The following PDZD8 variants were observed in gnomAD, a reference collection of about 807,000 sequenced individuals.
The protein encoded by PDZD8 is PDZ domain containing 8.
A neutral mutation model predicts 85.8 loss-of-function variants in PDZD8; 14 were observed. The observed-to-expected ratio is 0.16, with a 90% CI of 0.11 to 0.26. The LOEUF is 0.26. Ranked by LOEUF, PDZD8 falls within the 10% of genes least tolerant of loss-of-function variation. The pLI is 1.00. For synonymous variants in PDZD8, 592 were observed against 568.6 expected (o/e 1.04, Z -0.59); for missense variants, 1,197 against 1,424.3 (o/e 0.84, Z 2.57).
chr10:117,280,657 A>T lies in PDZD8; in HGVS notation c.*2611T>A, dbSNP rs1844562914. On this transcript the variant is annotated 3_prime_UTR_variant, in exon 5 of 5. Coordinates refer to ENST00000334464, the MANE Select transcript of PDZD8 (RefSeq NM_173791.5). ...GTTCCCCCACTTGCACTAAAGTACA[A>T]CTATGATGTCTCTACTGCCTCTCCC... 6.6e-6 allele frequency: 1 copy of T among 152,202 alleles called. No homozygotes were observed. The highest frequency in any genetic ancestry group is 2.4e-5 in the African/African-American group (1 of 41,456). The allele number at this position is 152,202 out of a possible 1,614,324, so 9.4% of individuals were successfully genotyped here. A position where few individuals can be genotyped will look rare whatever the true frequency, so the allele number is the denominator to read the frequency against.
chr10:117,325,879 A>G (rs576641936), intron 2 of PDZD8, among the ~76,000 whole-genome samples: 2 of 152,132 alleles, frequency 1.3e-5, no homozygotes, highest in Admixed American at 6.5e-5. Context: ...CATAATCCCT[A>G]TATGTCAAGG....
chr10:117,317,813 T>A (rs1036078378), intron 3 of PDZD8, among the ~76,000 whole-genome samples: 12 of 152,182 alleles, frequency 7.9e-5, no homozygotes, highest in African/African-American at 2.7e-4. Flanking sequence ...AAACTTTCCA[T>A]GAAACCTCTA....
intron 3 of PDZD8, among the ~76,000 whole-genome samples, chr10:117,314,679 T>C (rs976941318): frequency 2.6e-5 from 4 of 152,006 alleles, no homozygotes; most frequent in Non-Finnish European, 5.9e-5. Context: ...CTTTTACTTA[T>C]ACTGAACAAA....
At chr10:117,339,694 T>C (rs917724399) in intron 2 of PDZD8, among the ~76,000 whole-genome samples, 1 of 152,258 alleles carries the variant, frequency 6.6e-6, no homozygotes, top group African/African-American at 2.4e-5. Flanking sequence ...TGACTGCTTC[T>C]GTACTGCAAG....
At chr10:117,287,426 CCTT>C (rs1297917262) in intron 4 of PDZD8, among the ~76,000 whole-genome samples, 2 of 152,156 alleles carry the variant, frequency 1.3e-5, no homozygotes, top group African/African-American at 4.8e-5. Flanking sequence ...CTTTGGTTTC[CCTT>C]CTTCTTCACT....
At chr10:117,350,624 C>T (rs556332627) in intron 1 of PDZD8, among the ~76,000 whole-genome samples, 5 of 150,980 alleles carry the variant, frequency 3.3e-5, no homozygotes, top group Middle Eastern at 3.2e-3. Context: ...AATACATAGG[C>T]CGGGCGCGGT....
chr10:117,350,593 T>C (rs1287877320), intron 1 of PDZD8, among the ~76,000 whole-genome samples: 1 of 150,936 alleles, frequency 6.6e-6, no homozygotes, highest in Non-Finnish European at 1.5e-5. Flanking sequence ...TCAATGCCTC[T>C]TAAAAGTTGT....
At chr10:117,337,315 CA>C (rs1423672170) in intron 2 of PDZD8, among the ~76,000 whole-genome samples, 1 of 151,986 alleles carries the variant, frequency 6.6e-6, no homozygotes, top group Non-Finnish European at 1.5e-5. Flanking sequence ...AATCTGATTG[CA>C]ACACTAATGT....
rs1479388568 is a variant in PDZD8 at position 117,283,201 on chromosome 10, GT to G, written c.*66del. ...GAGTGCATACGAGGATTTAAACATG[GT>G]TGTATCTGTGGTACTTTAGATGCAA... On this transcript the variant is annotated 3_prime_UTR_variant, in exon 5 of 5. Transcript: ENST00000334464. 1 of 1,456,056 alleles carries G rather than the reference GT, an allele frequency of 6.9e-7. No homozygotes were observed. Among genetic ancestry groups the G allele is most frequent in the Non-Finnish European group, 9.3e-7 (1 of 1,079,436 alleles). The allele number at this position is 1,456,056 out of a possible 1,614,324, so 90.2% of individuals were successfully genotyped here.
chr10:117,281,887 T>C lies in PDZD8; in HGVS notation c.*1381A>G, dbSNP rs1273532495. On this transcript the variant is annotated 3_prime_UTR_variant, in exon 5 of 5. Transcript: ENST00000334464. ...CAGTTTCACTATATAGCAATCATCA[T>C]AGCAGTTACCTACAAAGGGACAAAC... 1 of 152,178 alleles carries C rather than the reference T, an allele frequency of 6.6e-6. No individual in the cohort carries two copies. The highest frequency in any genetic ancestry group is 2.4e-5 in the African/African-American group (1 of 41,444). The allele number at this position is 152,178 out of a possible 1,614,324, so 9.4% of individuals were successfully genotyped here.
At chr10:117,354,591 A>G (rs1308590292) in intron 1 of PDZD8, among the ~76,000 whole-genome samples, 1 of 150,692 alleles carries the variant, frequency 6.6e-6, no homozygotes, top group Non-Finnish European at 1.5e-5. Context: ...TTGAGAATAG[A>G]GAGACCAGTC....
At position 117,283,416 on chromosome 10, in the gene PDZD8, C is replaced by G. The variant is rs746519248; in HGVS notation, c.3317G>C (p.Ser1106Thr). Residue 1106 changes from serine (S) to threonine (T), a missense_variant, in exon 5 of 5, where the codon AGT becomes ACT. Physicochemically the swap from Ser to Thr is moderately conservative, Grantham distance 58 (BLOSUM62 1). Coordinates refer to ENST00000334464, the MANE Select transcript of PDZD8 (RefSeq NM_173791.5). ...AGIEDIETLE[S>T]LSLDQHSKKI... Reference sequence around the variant, plus strand: ...TTTGGAGTGCTGGTCTAAAGACAGACTTTCTAAAGTTTCTATATCTTCAAT... The same window carrying G: ...TTTGGAGTGCTGGTCTAAAGACAGAGTTTCTAAAGTTTCTATATCTTCAAT... The G allele has an allele frequency of 6.2e-7, 1 of 1,614,064 alleles. No homozygotes were observed. Among genetic ancestry groups the G allele is most frequent in the East Asian group, 2.2e-5 (1 of 44,876 alleles).
intron 2 of PDZD8, among the ~76,000 whole-genome samples, chr10:117,340,606 T>C (rs1452191099): frequency 1.3e-5 from 2 of 152,180 alleles, no homozygotes; most frequent in Non-Finnish European, 2.9e-5. Flanking sequence ...CTGCTATACT[T>C]ATCATGATGG....
At chr10:117,333,746 C>G (rs1844470414) in intron 2 of PDZD8, among the ~76,000 whole-genome samples, 1 of 152,178 alleles carries the variant, frequency 6.6e-6, no homozygotes, top group African/African-American at 2.4e-5. Context: ...GAACATAATG[C>G]TATTTAAAGG....
intron 3 of PDZD8, among the ~76,000 whole-genome samples, chr10:117,308,657 G>A (rs1452093337): frequency 6.6e-6 from 1 of 152,112 alleles, no homozygotes; most frequent in Admixed American, 6.6e-5. Context: ...GACACCATTT[G>A]TGGAAATGAT....
intron 1 of PDZD8, among the ~76,000 whole-genome samples, chr10:117,348,388 T>C (rs777891220): frequency 6.6e-6 from 1 of 152,210 alleles, no homozygotes; most frequent in Non-Finnish European, 1.5e-5. Context: ...ATCAGCACAC[T>C]GTACATAAGG....
At chr10:117,304,914 T>C (rs1843909105) in intron 3 of PDZD8, among the ~76,000 whole-genome samples, 1 of 152,130 alleles carries the variant, frequency 6.6e-6, no homozygotes, top group Non-Finnish European at 1.5e-5. Flanking sequence ...TAATACAGTA[T>C]CTGTAGAAAA....
intron 2 of PDZD8, among the ~76,000 whole-genome samples, chr10:117,335,755 A>G (rs1183368529): frequency 3.9e-5 from 6 of 152,242 alleles, no homozygotes; most frequent in Admixed American, 1.3e-4. Flanking sequence ...CGTTCCCTCA[A>G]CCTTGGGCAG....
At chr10:117,329,465 G>T (rs572982800) in intron 2 of PDZD8, among the ~76,000 whole-genome samples, 1 of 152,136 alleles carries the variant, frequency 6.6e-6, no homozygotes, top group East Asian at 1.9e-4. Flanking sequence ...TATACCGGAG[G>T]TTGAAAAATT....
Sources: allele counts gnomAD v4.1 joint callset (sites outside exome capture counted in the v4.1 genomes callset), GRCh38; gene constraint gnomAD v4.1.1; transcripts MANE v1.5; gene names NCBI Gene and HGNC (gene_info 2026-07-23, HGNC 2026-07-21).